Variants in DRC9 observed in about 807,000 individuals in gnomAD.
DRC9 encodes the protein dynein regulatory complex subunit 9.
At chr3:197,926,087 T>C in the DRC9 span, 2 of 1,551,908 alleles carry the variant, frequency 1.3e-6, no homozygotes, top group Non-Finnish European at 1.8e-6. Flanking sequence ...ATATTATCTG[T>C]TTTCTTCCTT....
At chr3:197,950,005 A>AT in the DRC9 span, 496 of 706,762 alleles carry the variant, frequency 7.0e-4, 2 homozygotes, top group African/African-American at 8.1e-3. Flanking sequence ...CAAGTAGTAC[A>AT]TTTTGCAGCC....
the DRC9 span, chr3:197,953,621 T>C: frequency 4.4e-6 from 2 of 458,410 alleles, no homozygotes; most frequent in Admixed American, 4.7e-5. Context: ...TGTTCCATGG[T>C]CACCTCAGTG....
At chr3:197,953,750 T>C in the DRC9 span, 13 of 566,276 alleles carry the variant, frequency 2.3e-5, no homozygotes, top group Non-Finnish European at 3.8e-5. Context: ...ATCTGACCTA[T>C]GTATTTTCCT....
At chr3:197,938,656 C>G in the DRC9 span, 1 of 1,614,196 alleles carries the variant, frequency 6.2e-7, no homozygotes. Context: ...GAACCGGCCT[C>G]TGTGTCTGAT....
At chr3:197,900,043 G>A in the DRC9 span, among the ~76,000 whole-genome samples, 3 of 152,174 alleles carry the variant, frequency 2.0e-5, no homozygotes, top group East Asian at 1.9e-4. This position sits in a 1 kb window ranked among gnomAD's most constrained non-coding sequence, Gnocchi z 4.7. Context: ...GGTTGAACTC[G>A]GGTGACGCCC....
chr3:197,898,843 A>G, the DRC9 span, among the ~76,000 whole-genome samples: 1 of 152,344 alleles, frequency 6.6e-6, no homozygotes, highest in African/African-American at 2.4e-5. Flanking sequence ...GTGGGGACAC[A>G]GAACCAAACC....
chr3:197,924,314 G>C, the DRC9 span, among the ~76,000 whole-genome samples: 1 of 152,040 alleles, frequency 6.6e-6, no homozygotes, highest in Non-Finnish European at 1.5e-5. Flanking sequence ...AGCCGAAATT[G>C]TGCCATTGCA....
the DRC9 span, among the ~76,000 whole-genome samples, chr3:197,929,930 T>C: frequency 6.6e-6 from 1 of 151,068 alleles, no homozygotes; most frequent in Non-Finnish European, 1.5e-5. The surrounding 1 kb of genome is among the most constrained non-coding windows in gnomAD (Gnocchi z 4.6). Flanking sequence ...AAACTCTGTC[T>C]CAAAAACAAA....
chr3:197,905,363 T>G, the DRC9 span, among the ~76,000 whole-genome samples: 2,789 of 152,214 alleles, frequency 0.018, 92 homozygotes, highest in African/African-American at 0.064. Context: ...ACACCTACTA[T>G]GTGCCCACAA....
At chr3:197,891,505 T>G in the DRC9 span, 1 of 1,605,936 alleles carries the variant, frequency 6.2e-7, no homozygotes, top group Non-Finnish European at 8.5e-7. Context: ...CTCCTCTCCT[T>G]TTCTATACGA....
the DRC9 span, chr3:197,945,489 AT>A: frequency 1.6e-6 from 1 of 645,142 alleles, no homozygotes; most frequent in East Asian, 2.9e-5. Flanking sequence ...GAAAGAATAA[AT>A]GTTTATATTT....
the DRC9 span, among the ~76,000 whole-genome samples, chr3:197,910,116 C>CA: frequency 2.6e-5 from 4 of 152,050 alleles, no homozygotes; most frequent in South Asian, 8.3e-4. Context: ...AGAGGGCTTT[C>CA]ACTTTCTTTA....
At chr3:197,909,688 A>G in the DRC9 span, among the ~76,000 whole-genome samples, 5 of 152,220 alleles carry the variant, frequency 3.3e-5, no homozygotes, top group Non-Finnish European at 7.3e-5. Flanking sequence ...GCATGATCCA[A>G]TTTACTTAAG....
chr3:197,945,490 T>A, the DRC9 span: 1 of 645,860 alleles, frequency 1.5e-6, no homozygotes, highest in East Asian at 2.9e-5. Context: ...AAAGAATAAA[T>A]GTTTATATTT....
the DRC9 span, among the ~76,000 whole-genome samples, chr3:197,955,584 C>T: frequency 1.1e-4 from 17 of 152,016 alleles, no homozygotes; most frequent in Non-Finnish European, 2.1e-4. Context: ...TTATGAGTGC[C>T]GGTTCTTACG....
At chr3:197,896,562 C>A in the DRC9 span, among the ~76,000 whole-genome samples, 10 of 152,276 alleles carry the variant, frequency 6.6e-5, no homozygotes, top group African/African-American at 1.7e-4. Flanking sequence ...TCCATTCCAG[C>A]TGCTATAACA....
chr3:197,912,952 G>C, the DRC9 span: 1 of 573,330 alleles, frequency 1.7e-6, no homozygotes, highest in African/African-American at 1.9e-5. Flanking sequence ...TGTCCCTAAC[G>C]AGACGAGCAC....
At chr3:197,924,273 C>T in the DRC9 span, among the ~76,000 whole-genome samples, 13 of 150,780 alleles carry the variant, frequency 8.6e-5, no homozygotes, top group East Asian at 6.0e-4. Flanking sequence ...GCAGGAGAAT[C>T]GCTTAAACCC....
chr3:197,944,086 C>T, the DRC9 span: 18 of 1,585,996 alleles, frequency 1.1e-5, no homozygotes, highest in Non-Finnish European at 9.4e-6. Flanking sequence ...AAGTCAGCAA[C>T]CAATATTTAA....
Sources: allele counts gnomAD v4.1 joint callset (sites outside exome capture counted in the v4.1 genomes callset), GRCh38; gene constraint gnomAD v4.1.1; non-coding constraint Gnocchi (gnomAD v3.1); transcripts MANE v1.5; gene names NCBI Gene and HGNC (gene_info 2026-07-23, HGNC 2026-07-21).